The following COL11A1 variants were observed in gnomAD, a reference collection of about 807,000 sequenced individuals.
COL11A1 encodes collagen alpha-1(XI) chain.
COL11A1 carries 74 observed loss-of-function variants against 265.2 expected under a neutral mutation model. The ratio of observed to expected loss-of-function variants is 0.28; its 90% CI spans 0.23 to 0.34. The LOEUF (loss-of-function observed/expected upper bound fraction) is 0.34, where lower values mean the gene tolerates loss of function less well. COL11A1 is among the 10% of genes least tolerant of loss of function. The pLI is 1.00. For missense variants in COL11A1, 2,165 were observed against 2,263.6 expected (o/e 0.96, Z 0.88); for synonymous variants, 816 against 727.6 (o/e 1.12, Z -1.96).
chr1:102,890,685 TAA>T, intron 57 of COL11A1, among the ~76,000 whole-genome samples, 181 bp from the exon 58 acceptor site: 1 of 152,210 alleles, frequency 6.6e-6, no homozygotes, highest in East Asian at 1.9e-4. Context: ...CACTATGGTT[TAA>T]TTTGTAACCA....
chr1:102,933,094 T>C (rs1446042263), intron 46 of COL11A1, among the ~76,000 whole-genome samples: 44 of 150,056 alleles, frequency 2.9e-4, no homozygotes, highest in African/African-American at 8.3e-4. Context: ...TCTCAGCTCA[T>C]CAAAGTCATT....
intron 54 of COL11A1, among the ~76,000 whole-genome samples, chr1:102,903,484 A>G (rs1653499215): frequency 6.6e-6 from 1 of 152,190 alleles, no homozygotes; most frequent in African/African-American, 2.4e-5. Flanking sequence ...CCACAGTGGG[A>G]AAGTAAGGAT....
At chr1:102,925,813 C>A (rs912233370) in intron 46 of COL11A1, among the ~76,000 whole-genome samples, 1 of 151,978 alleles carries the variant, frequency 6.6e-6, no homozygotes, top group Admixed American at 6.6e-5. Context: ...ACTTTAACAC[C>A]ATTTTCTTAA....
intron 37 of COL11A1, among the ~76,000 whole-genome samples, chr1:102,969,880 G>T (rs1477843439): frequency 6.6e-6 from 1 of 152,028 alleles, no homozygotes; most frequent in Non-Finnish European, 1.5e-5. Context: ...TGAGTGGAAT[G>T]TATCTATAAA....
chr1:103,011,221 T>A (rs1666099195), intron 14 of COL11A1, among the ~76,000 whole-genome samples: 1 of 152,126 alleles, frequency 6.6e-6, no homozygotes, highest in African/African-American at 2.4e-5. Flanking sequence ...TACTACTTAC[T>A]TTCCTGTTAT....
intron 1 of COL11A1, among the ~76,000 whole-genome samples, chr1:103,106,923 T>C (rs1359805790): frequency 6.6e-6 from 1 of 152,128 alleles, no homozygotes; most frequent in African/African-American, 2.4e-5. Flanking sequence ...GCTTGACCAT[T>C]TTTATCTCCC....
chr1:102,931,293 T>A (rs1454841163), intron 46 of COL11A1, among the ~76,000 whole-genome samples: 1 of 151,498 alleles, frequency 6.6e-6, no homozygotes, highest in African/African-American at 2.4e-5. Context: ...GTATATTGTG[T>A]CTTTGTTCTC....
At chr1:102,996,660 A>T (rs1033744933) in intron 26 of COL11A1, among the ~76,000 whole-genome samples, 1 of 151,884 alleles carries the variant, frequency 6.6e-6, no homozygotes, top group Non-Finnish European at 1.5e-5. Context: ...CTAACATTGA[A>T]TATGCACATA....
chr1:103,094,810 G>T (rs138215693), intron 1 of COL11A1, among the ~76,000 whole-genome samples: 1 of 151,996 alleles, frequency 6.6e-6, no homozygotes, highest in African/African-American at 2.4e-5. Context: ...TCCCATGAAT[G>T]GTAGGCATTA....
Position 103,043,351 on chromosome 1 carries a change from C to T in COL11A1, c.652-12107G>A, listed in dbSNP as rs1489959334. Among the ~76,000 whole-genome samples the T allele has an allele frequency of 5.3e-5, 8 of 151,400 alleles. 1 individual carries two copies. Among genetic ancestry groups the T allele is most frequent in the Admixed American group, 4.6e-4 (7 of 15,104 alleles). On this transcript the variant is annotated intron_variant, in intron 4 of 66. Coordinates refer to ENST00000370096, the MANE Select transcript of COL11A1 (RefSeq NM_001854.4). ...GTCACATGTCAGGAAGGTATAGCAT[C>T]TCTACAAGACAATAAAAGGCATAGT...
intron 5 of COL11A1, among the ~76,000 whole-genome samples, chr1:103,030,624 C>T (rs971251129): frequency 6.6e-6 from 1 of 151,326 alleles, no homozygotes; most frequent in African/African-American, 2.4e-5. Flanking sequence ...ATTTCACATG[C>T]TTTTAAATTT....
chr1:102,944,951 A>G (rs1437882473), intron 42 of COL11A1, among the ~76,000 whole-genome samples: 1 of 152,168 alleles, frequency 6.6e-6, no homozygotes, highest in Non-Finnish European at 1.5e-5. Context: ...TTTTCTCAGC[A>G]TATTAAAAGT....
chr1:102,934,416 A>AT, intron 46 of COL11A1, 33 bp downstream of exon 46: 1 of 1,467,478 alleles, frequency 6.8e-7, no homozygotes, highest in Non-Finnish European at 9.6e-7. Flanking sequence ...GTAGGTAGAA[A>AT]TGATGGAGTA....
chr1:102,931,338 AT>A (rs1657411660), intron 46 of COL11A1, among the ~76,000 whole-genome samples: 1 of 146,856 alleles, frequency 6.8e-6, no homozygotes, highest in South Asian at 2.2e-4. Context: ...TTCTGCCTTC[AT>A]TTTGTTATGT....
Position 102,921,413 on chromosome 1 carries a change from T to C in COL11A1, c.3708+105A>G, listed in dbSNP as rs1212074613. ...CCCTTGAGTTCTTAACCACTTAATA[T>C]TAAACAATAGTTTAATATTGTTATA... On this transcript the variant is annotated intron_variant, in intron 48 of 66. Coordinates refer to ENST00000370096, the MANE Select transcript of COL11A1 (RefSeq NM_001854.4). 8.6e-6 allele frequency: 8 copies of C among 933,668 alleles called. No individual in the cohort carries two copies. In the East Asian group the frequency reaches 2.1e-4, roughly 24 times the overall value. 57.8% of individuals were successfully genotyped at this position (933,668 alleles called of 1,614,324 possible).
At chr1:102,948,508 T>A (rs564436051) in intron 41 of COL11A1, among the ~76,000 whole-genome samples, 1 of 152,086 alleles carries the variant, frequency 6.6e-6, no homozygotes, top group East Asian at 1.9e-4. Flanking sequence ...AAAATATAAT[T>A]AAGGAAATTG....
At chr1:102,929,285 G>C (rs1334113730) in intron 46 of COL11A1, among the ~76,000 whole-genome samples, 1 of 151,772 alleles carries the variant, frequency 6.6e-6, no homozygotes, top group Non-Finnish European at 1.5e-5. Context: ...GTAAGGAAGG[G>C]ATCCATTTTC....
intron 49 of COL11A1, among the ~76,000 whole-genome samples, chr1:102,916,939 A>C (rs1246624003): frequency 6.6e-6 from 1 of 151,972 alleles, no homozygotes; most frequent in African/African-American, 2.4e-5. Flanking sequence ...AAATGAAACA[A>C]GTAGTTTGGC....
In COL11A1 at chr1:103,078,943, T is replaced by C. The variant is rs533482439; in HGVS notation, c.275-72A>G. Reference sequence around the variant, plus strand: ...CTACTTTATTCCTAGATCACTGTGGTATTTTTGAAATTTCTACATGGCCTT... The same window carrying C: ...CTACTTTATTCCTAGATCACTGTGGCATTTTTGAAATTTCTACATGGCCTT... On this transcript the variant is annotated intron_variant, in intron 2 of 66. Coordinates refer to ENST00000370096, the MANE Select transcript of COL11A1 (RefSeq NM_001854.4). 7.1e-6 allele frequency: 8 copies of C among 1,120,564 alleles called. No homozygotes were observed. The African/African-American group carries it at 9.4e-5, about 13-fold the overall frequency. The allele number at this position is 1,120,564 out of a possible 1,614,324, so 69.4% of individuals were successfully genotyped here. A position where few individuals can be genotyped will look rare whatever the true frequency, so the allele number is the denominator to read the frequency against.
Sources: allele counts gnomAD v4.1 joint callset (sites outside exome capture counted in the v4.1 genomes callset), GRCh38; gene constraint gnomAD v4.1.1; transcripts MANE v1.5; gene names NCBI Gene and HGNC (gene_info 2026-07-23, HGNC 2026-07-21).